NDST3: variants seen among roughly 807,000 people sequenced by gnomAD.
NDST3 encodes bifunctional heparan sulfate N-deacetylase/N-sulfotransferase 3.
In NDST3, 58 loss-of-function variants were observed where a neutral mutation model predicts 96.1. That is an observed-to-expected ratio of 0.60 (90% CI 0.49 to 0.75). The LOEUF is 0.75. Ranked by LOEUF, NDST3 falls within the 30% of genes least tolerant of loss-of-function variation. The probability of loss-of-function intolerance (pLI) is 0.00; values close to 1 mark genes in which losing one functional copy is unlikely to be tolerated. For synonymous variants in NDST3, 333 were observed against 359.7 expected (o/e 0.93, Z 0.84); for missense variants, 788 against 1,034.2 (o/e 0.76, Z 3.27).
chr4:118,202,628 C>G (rs1345708821), intron 6 of NDST3, among the ~76,000 whole-genome samples: 1 of 152,082 alleles, frequency 6.6e-6, no homozygotes, highest in African/African-American at 2.4e-5. Flanking sequence ...ACTTTGTTGG[C>G]ATATAGAAAA....
chr4:118,257,561 C>A lies in NDST3; in HGVS notation c.*1849C>A, dbSNP rs1435827511. ...TGATTAGAAACAAATGGGAGGAAAA[C>A]CCATAGTAAAAATATTTTCATTGTC... On this transcript the variant is annotated 3_prime_UTR_variant, in exon 14 of 14. Coordinates refer to ENST00000296499, the MANE Select transcript of NDST3 (RefSeq NM_004784.3). 1 of 151,920 alleles carries A rather than the reference C, an allele frequency of 6.6e-6. No homozygotes were observed. Among genetic ancestry groups the A allele is most frequent in the Non-Finnish European group, 1.5e-5 (1 of 67,994 alleles). 9.4% of individuals were successfully genotyped at this position (151,920 alleles called of 1,614,324 possible).
Position 118,253,502 on chromosome 4 carries a change from T to A in NDST3, c.2403T>A (p.Phe801Leu). 6.3e-7 allele frequency: 1 copy of A among 1,596,804 alleles called. No homozygotes were observed. Among genetic ancestry groups the A allele is most frequent in the Non-Finnish European group, 8.5e-7 (1 of 1,170,966 alleles). The change falls in exon 13 of 14, where the codon TTT (phenylalanine) becomes TTA (leucine). Residue 801 changes from phenylalanine to leucine, a missense_variant. Around this residue, in one of 3 missense-constraint regions of NDST3, gnomAD observed 490 missense variants for 708.8 expected, o/e 0.69. Transcript: ENST00000296499. Reference sequence around the variant, plus strand: ...TGTGTATTCTTTTTTTTTTTAGGTTTGATTCTCATAAAGGTTTCTGGTGTC... The same window carrying A: ...TGTGTATTCTTTTTTTTTTTAGGTTAGATTCTCATAAAGGTTTCTGGTGTC... Reference protein sequence around the residue: ...PHYNYSEALTFDSHKGFWCQL... With the variant: ...PHYNYSEALTLDSHKGFWCQL...
intron 2 of NDST3, among the ~76,000 whole-genome samples, chr4:118,069,613 T>C (rs1381610608): frequency 6.6e-6 from 1 of 152,014 alleles, no homozygotes; most frequent in Non-Finnish European, 1.5e-5. Context: ...CTCTCCTCAG[T>C]CTCTCTACAC....
intron 1 of NDST3, among the ~76,000 whole-genome samples, chr4:118,047,780 A>G (rs1343540911): frequency 6.6e-6 from 1 of 152,238 alleles, no homozygotes; most frequent in East Asian, 1.9e-4. Flanking sequence ...ATTCATTGGC[A>G]TTCTTGAGAC....
chr4:118,224,785 G>A lies in NDST3; in HGVS notation c.1722+112G>A, dbSNP rs1047029734. On this transcript the variant is annotated intron_variant, in intron 7 of 13. Coordinates refer to ENST00000296499, the MANE Select transcript of NDST3 (RefSeq NM_004784.3). The stretch of plus-strand genomic sequence containing the variant: ...CTGAAAAAACCTGCATTTTGGAAAT[G>A]TTAGTAAATTTGAGAAACTACTCCT... 6.3e-6 allele frequency: 6 copies of A among 945,986 alleles called. No homozygotes were observed. The African/African-American group carries it at 1.0e-4, about 16-fold the overall frequency. The allele number at this position is 945,986 out of a possible 1,614,324, so 58.6% of individuals were successfully genotyped here. A position where few individuals can be genotyped will look rare whatever the true frequency, so the allele number is the denominator to read the frequency against.
chr4:118,169,371 T>C (rs961247388), intron 6 of NDST3, among the ~76,000 whole-genome samples: 1 of 152,180 alleles, frequency 6.6e-6, no homozygotes, highest in Non-Finnish European at 1.5e-5. Flanking sequence ...TCATTGGATC[T>C]GGAATTTTTA....
intron 6 of NDST3, among the ~76,000 whole-genome samples, chr4:118,160,489 A>G (rs1408440466): frequency 6.6e-6 from 1 of 152,152 alleles, no homozygotes; most frequent in African/African-American, 2.4e-5. Context: ...AAACAACTTT[A>G]TTTAAAAAGT....
intron 10 of NDST3, among the ~76,000 whole-genome samples, chr4:118,240,161 T>C (rs1740916082): frequency 6.6e-6 from 1 of 151,868 alleles, no homozygotes; most frequent in African/African-American, 2.4e-5. Context: ...AGATATTCAC[T>C]GGACACTATA....
intron 5 of NDST3, among the ~76,000 whole-genome samples, chr4:118,141,047 T>C (rs1733532561): frequency 6.6e-6 from 1 of 152,168 alleles, no homozygotes; most frequent in South Asian, 2.1e-4. Context: ...TATTGGTATC[T>C]CCCCAGAAGT....
chr4:118,097,750 T>A (rs9637622), intron 2 of NDST3, among the ~76,000 whole-genome samples: 12 of 151,606 alleles, frequency 7.9e-5, no homozygotes, highest in African/African-American at 2.9e-4. Flanking sequence ...TTCACCAAGA[T>A]TCAAAACAGT....
chr4:118,093,168 C>A (rs1195355805), intron 2 of NDST3, among the ~76,000 whole-genome samples: 1 of 151,762 alleles, frequency 6.6e-6, no homozygotes, highest in Non-Finnish European at 1.5e-5. Flanking sequence ...TCAAGAATGG[C>A]ATTTGACTTC....
chr4:118,035,078 A>C (rs1486092284), intron 1 of NDST3, among the ~76,000 whole-genome samples: 1 of 152,216 alleles, frequency 6.6e-6, no homozygotes, highest in African/African-American at 2.4e-5. Flanking sequence ...TCTAGGTATC[A>C]AATACAGAAA....
chr4:118,083,336 G>A (rs992068922), intron 2 of NDST3, among the ~76,000 whole-genome samples: 2 of 152,060 alleles, frequency 1.3e-5, no homozygotes, highest in African/African-American at 4.8e-5. Context: ...TAATCGATGT[G>A]TAACTCAATT....
chr4:118,066,158 A>C (rs28711393), intron 2 of NDST3, among the ~76,000 whole-genome samples: 75 of 32,748 alleles, frequency 2.3e-3, no homozygotes, highest in East Asian at 0.02. Flanking sequence ...TATTATATAT[A>C]TTATATATTA....
At chr4:118,244,895 A>G (rs1328964618) in intron 12 of NDST3, among the ~76,000 whole-genome samples, 2 of 152,170 alleles carry the variant, frequency 1.3e-5, no homozygotes, top group Non-Finnish European at 2.9e-5. Context: ...TTTAATGTTA[A>G]ATAATCTGAT....
At chr4:118,208,518 T>TAA (rs1226278754) in intron 6 of NDST3, among the ~76,000 whole-genome samples, 1 of 144,306 alleles carries the variant, frequency 6.9e-6, no homozygotes, top group Non-Finnish European at 1.5e-5. Flanking sequence ...TTCACTGAGG[T>TAA]TATCTTTGTG....
intron 5 of NDST3, 111 bp downstream of exon 5, chr4:118,138,350 T>G: frequency 1.1e-6 from 1 of 924,020 alleles, no homozygotes; most frequent in Admixed American, 2.9e-5. Flanking sequence ...AAAAGCTCCA[T>G]GCTGCAGGAA....
At chr4:118,217,112 C>T (rs1360036018) in intron 6 of NDST3, among the ~76,000 whole-genome samples, 3 of 152,044 alleles carry the variant, frequency 2.0e-5, no homozygotes, top group Non-Finnish European at 4.4e-5. Flanking sequence ...AAACAGTGGA[C>T]ATGACACTCT....
intron 6 of NDST3, among the ~76,000 whole-genome samples, chr4:118,177,888 A>C (rs1736372419): frequency 6.6e-6 from 1 of 151,932 alleles, no homozygotes; most frequent in Non-Finnish European, 1.5e-5. Context: ...ATCTGCAGGA[A>C]GAATAATCCT....
Sources: allele counts gnomAD v4.1 joint callset (sites outside exome capture counted in the v4.1 genomes callset), GRCh38; gene constraint gnomAD v4.1.1; regional missense constraint gnomAD v4.1.1; transcripts MANE v1.5; gene names NCBI Gene and HGNC (gene_info 2026-07-23, HGNC 2026-07-21).